ARHGAP10: variants seen among roughly 807,000 people sequenced by gnomAD.
ARHGAP10 encodes Rho GTPase activating protein 10.
A neutral mutation model predicts 108.6 loss-of-function variants in ARHGAP10; 87 were observed. The ratio of observed to expected loss-of-function variants is 0.80; its 90% CI spans 0.67 to 0.96. The LOEUF is 0.96. Among genes scored for constraint, ARHGAP10 ranks in the 40% least tolerant of loss-of-function variants. The pLI is 0.00. For missense variants in ARHGAP10, 939 were observed against 954.5 expected (o/e 0.98, Z 0.21); for synonymous variants, 347 against 341.1 (o/e 1.02, Z -0.19).
chr4:147,732,514 C>T (rs1418364660), intron 1 of ARHGAP10, 59 bp downstream of exon 1: 7 of 1,597,938 alleles, frequency 4.4e-6, no homozygotes, highest in Non-Finnish European at 6.0e-6. Flanking sequence ...GGGGGAGCCT[C>T]TCTCGGCAGG....
chr4:147,974,788 T>A (rs1320457149), intron 18 of ARHGAP10, among the ~76,000 whole-genome samples: 1 of 152,184 alleles, frequency 6.6e-6, no homozygotes, highest in Non-Finnish European at 1.5e-5. Context: ...GGGCTCATGG[T>A]TCCACAGGGC....
intron 19 of ARHGAP10, among the ~76,000 whole-genome samples, chr4:148,042,234 C>CCTT (rs1728664159): frequency 6.6e-6 from 1 of 152,150 alleles, no homozygotes; most frequent in Non-Finnish European, 1.5e-5. Flanking sequence ...TCTCTCTCAC[C>CCTT]CTTCACCTTT....
chr4:147,829,311 C>G (rs185229829), intron 3 of ARHGAP10, among the ~76,000 whole-genome samples: 9 of 152,234 alleles, frequency 5.9e-5, no homozygotes, highest in East Asian at 3.9e-4. Context: ...CTCGACCCCC[C>G]CATCGTGCTG....
chr4:147,954,206 C>T (rs1738709595), intron 15 of ARHGAP10, among the ~76,000 whole-genome samples: 2 of 152,002 alleles, frequency 1.3e-5, no homozygotes, highest in South Asian at 2.1e-4. Context: ...AAGGACATGC[C>T]AGTTGGATTA....
chr4:148,040,104 G>C (rs1184343048), intron 19 of ARHGAP10, among the ~76,000 whole-genome samples: 2 of 152,144 alleles, frequency 1.3e-5, no homozygotes, highest in Non-Finnish European at 2.9e-5. Flanking sequence ...CCTCCACTGG[G>C]GTCACCTAGG....
At chr4:147,970,043 C>T (rs192171993) in intron 18 of ARHGAP10, among the ~76,000 whole-genome samples, 17 of 152,226 alleles carry the variant, frequency 1.1e-4, no homozygotes, top group Admixed American at 1.1e-3. Flanking sequence ...GTTCTGAGAA[C>T]CTAAATTTCC....
chr4:148,040,136 A>G (rs909182149), intron 19 of ARHGAP10, among the ~76,000 whole-genome samples: 1 of 152,046 alleles, frequency 6.6e-6, no homozygotes, highest in Non-Finnish European at 1.5e-5. Context: ...AGCCAGGTCT[A>G]TTATTGCCAG....
chr4:148,052,392 CTTTTTTTTTTTT>C (rs35449374), intron 20 of ARHGAP10, among the ~76,000 whole-genome samples: 3 of 90,712 alleles, frequency 3.3e-5, no homozygotes, highest in East Asian at 3.6e-4. Flanking sequence ...TGCACATTTG[CTTTTTTTTTTTT>C]TTTTTTTTGG....
chr4:148,015,483 A>G (rs1218697104), intron 18 of ARHGAP10, among the ~76,000 whole-genome samples: 2 of 152,220 alleles, frequency 1.3e-5, no homozygotes, highest in Non-Finnish European at 2.9e-5. Context: ...GAACCAGAAC[A>G]AACGTGAAAC....
intron 1 of ARHGAP10, among the ~76,000 whole-genome samples, chr4:147,746,771 A>G (rs994387744): frequency 1.3e-5 from 2 of 152,150 alleles, no homozygotes; most frequent in East Asian, 3.9e-4. Context: ...CTGTTTCATG[A>G]CAGAGGAGAT....
At chr4:147,801,762 G>A (rs547056526) in intron 1 of ARHGAP10, among the ~76,000 whole-genome samples, 3 of 152,330 alleles carry the variant, frequency 2.0e-5, no homozygotes, top group East Asian at 1.9e-4. Context: ...TCAGGTCATC[G>A]CTGTTTACTC....
At chr4:147,969,974 G>C (rs1252675834) in intron 18 of ARHGAP10, among the ~76,000 whole-genome samples, 1 of 151,968 alleles carries the variant, frequency 6.6e-6, no homozygotes, top group Non-Finnish European at 1.5e-5. Context: ...TTGGAAGCAG[G>C]GTTGTGTGGC....
intron 1 of ARHGAP10, among the ~76,000 whole-genome samples, chr4:147,785,098 A>AAAG (rs965372319): frequency 6.8e-6 from 1 of 146,310 alleles, no homozygotes; most frequent in Non-Finnish European, 1.5e-5. Flanking sequence ...AAAAAAAAAA[A>AAAG]AAGAATAACA....
chr4:147,885,006 G>C (rs982144206), intron 10 of ARHGAP10, among the ~76,000 whole-genome samples: 1 of 152,182 alleles, frequency 6.6e-6, no homozygotes, highest in Non-Finnish European at 1.5e-5. Flanking sequence ...CAGGATTGGT[G>C]TGGTGGCAGT....
At chr4:147,860,410 C>T (rs1423476960) in intron 5 of ARHGAP10, among the ~76,000 whole-genome samples, 1 of 152,148 alleles carries the variant, frequency 6.6e-6, no homozygotes, top group African/African-American at 2.4e-5. Flanking sequence ...CCACTGCACT[C>T]CAGCCTGGGC....
intron 9 of ARHGAP10, among the ~76,000 whole-genome samples, chr4:147,879,654 C>T (rs1248697410): frequency 6.6e-6 from 1 of 152,072 alleles, no homozygotes; most frequent in Non-Finnish European, 1.5e-5. Context: ...ATCAACCCAT[C>T]ATCTACATTA....
intron 18 of ARHGAP10, among the ~76,000 whole-genome samples, chr4:148,012,780 G>T (rs1741214572): frequency 1.3e-5 from 2 of 152,038 alleles, no homozygotes; most frequent in Admixed American, 6.5e-5. Context: ...GGAACCTGAG[G>T]TCCATATATA....
intron 1 of ARHGAP10, among the ~76,000 whole-genome samples, chr4:147,798,436 T>C (rs2174220): frequency 0.92 from 140,247 of 152,092 alleles, 65,205 homozygotes; most frequent in East Asian, 0.98. Context: ...TTTGGCCAGG[T>C]GTGGTGGCTC....
chr4:147,992,444 G>A (rs6814095), intron 18 of ARHGAP10, among the ~76,000 whole-genome samples: 16,925 of 152,072 alleles, frequency 0.11, 1,659 homozygotes, highest in African/African-American at 0.27. Context: ...GTCTCGCTCT[G>A]TTGCCCAGCG....
Sources: allele counts gnomAD v4.1 joint callset (sites outside exome capture counted in the v4.1 genomes callset), GRCh38; gene constraint gnomAD v4.1.1; transcripts MANE v1.5; gene names NCBI Gene and HGNC (gene_info 2026-07-23, HGNC 2026-07-21).